Variants in INSL6 observed in about 807,000 individuals in gnomAD.
INSL6 encodes insulin-like peptide INSL6.
A neutral mutation model predicts 9.4 loss-of-function variants in INSL6; 16 were observed. The observed-to-expected ratio is 1.70, with a 90% CI of 1.15 to 2.59. The LOEUF is 2.59. Ranked by LOEUF, INSL6 falls within the 30% of genes most tolerant of loss-of-function variation. INSL6 has a pLI of 0.00. For missense variants in INSL6, 391 were observed against 257.3 expected, an observed-to-expected ratio of 1.52 and a Z score of -3.56; for synonymous variants, 154 against 96.9, an observed-to-expected ratio of 1.59 and a Z score of -3.46.
chr9:5,123,666 C>G (rs1299340625), downstream of INSL6, among the ~76,000 whole-genome samples: 8 of 151,970 alleles, frequency 5.3e-5, no homozygotes, highest in East Asian at 1.5e-3. Context: ...GGTAGATACC[C>G]CATAGTGGGA....
the INSL6 span, chr9:5,041,194 C>A: frequency 1.4e-6 from 2 of 1,422,246 alleles, no homozygotes; most frequent in South Asian, 2.3e-5. Flanking sequence ...TTTACCAGGA[C>A]GTGAAGCCCG....
the INSL6 span, chr9:5,112,440 G>C: frequency 1.9e-6 from 1 of 525,514 alleles, no homozygotes; most frequent in Non-Finnish European, 3.5e-6. Context: ...CCACTCAAGA[G>C]GAGAAGAAGG....
chr9:5,063,076 A>G, the INSL6 span, among the ~76,000 whole-genome samples: 1 of 152,048 alleles, frequency 6.6e-6, no homozygotes, highest in Non-Finnish European at 1.5e-5. Flanking sequence ...TTATAGTTCA[A>G]ACATGTCACA....
At chr9:5,048,147 T>C in the INSL6 span, among the ~76,000 whole-genome samples, 1 of 152,068 alleles carries the variant, frequency 6.6e-6, no homozygotes, top group African/African-American at 2.4e-5. Flanking sequence ...TTTTCTTTTC[T>C]TTCTTTTTTT....
chr9:5,085,270 G>T, the INSL6 span: 1 of 692,322 alleles, frequency 1.4e-6, no homozygotes, highest in Admixed American at 1.8e-5. Flanking sequence ...CACATCAGCT[G>T]ATGTTGGTTT....
At chr9:5,184,222 T>G (rs12349508) in intron 1 of INSL6, among the ~76,000 whole-genome samples, 40,821 of 152,034 alleles carry the variant, frequency 0.27, 5,533 homozygotes, top group South Asian at 0.31. Context: ...TACATTAGGG[T>G]CTCTTTTTGG....
chr9:5,050,890 T>C, the INSL6 span: 7 of 1,433,362 alleles, frequency 4.9e-6, no homozygotes, highest in African/African-American at 7.1e-5. Context: ...ATATAATTCG[T>C]ATATATTTTC....
chr9:5,035,918 T>C, the INSL6 span, among the ~76,000 whole-genome samples: 1 of 152,152 alleles, frequency 6.6e-6, no homozygotes, highest in Non-Finnish European at 1.5e-5. Flanking sequence ...GGTTATTTGA[T>C]TAGGAAAAGA....
downstream of INSL6, among the ~76,000 whole-genome samples, chr9:5,159,506 C>T (rs1824879965): frequency 1.3e-5 from 2 of 151,830 alleles, no homozygotes; most frequent in African/African-American, 4.8e-5. Context: ...AGTGACTCTA[C>T]TTATATTAGA....
At chr9:5,169,151 C>A (rs2130910244) in intron 1 of INSL6, among the ~76,000 whole-genome samples, 1 of 152,312 alleles carries the variant, frequency 6.6e-6, no homozygotes, top group African/African-American at 2.4e-5. Flanking sequence ...ATCTCAAACT[C>A]CTGACCTCAG....
rs767708471 is a variant in INSL6, at chr9:5,185,431, C to T, written c.172G>A (p.Glu58Lys). 4 of 1,614,186 alleles carry T rather than the reference C, an allele frequency of 2.5e-6. No homozygotes were observed. In the East Asian group the frequency reaches 6.7e-5, roughly 27 times the overall value. The stretch of plus-strand genomic sequence containing the variant: ...GCAATCAACCGTGAGAAAGGGGTTT[C>T]CTCCTCGAAACGGAACTGGCTCCAG... ...ANWSQFRFEE[E>K]TPFSRLIAQA... The change falls in exon 1 of 2, where the codon GAA (glutamate) becomes AAA (lysine). Residue 58 changes from glutamate (E) to lysine (K), a missense_variant. Transcript: ENST00000381641.
chr9:4,992,295 G>C, the INSL6 span, among the ~76,000 whole-genome samples: 18 of 152,138 alleles, frequency 1.2e-4, no homozygotes, highest in Non-Finnish European at 2.5e-4. Flanking sequence ...GGTGAGTAGA[G>C]AATTAAAAGT....
At chr9:5,126,038 T>C (rs984121351) in intron 3 of INSL6, 3 of 215,524 alleles carry the variant, frequency 1.4e-5, no homozygotes, top group African/African-American at 6.8e-5. Flanking sequence ...ATGATAAAAA[T>C]ATGAGTTTTT....
At chr9:5,113,064 G>A in the INSL6 span, among the ~76,000 whole-genome samples, 1 of 152,052 alleles carries the variant, frequency 6.6e-6, no homozygotes, top group Non-Finnish European at 1.5e-5. Flanking sequence ...GAGCTCCCTG[G>A]GACCCCGGCT....
At chr9:5,055,784 A>G in the INSL6 span, 1 of 1,609,914 alleles carries the variant, frequency 6.2e-7, no homozygotes, top group South Asian at 1.1e-5. Flanking sequence ...GATGGTAAAA[A>G]TCTGGTAAGT....
the INSL6 span, among the ~76,000 whole-genome samples, chr9:5,066,084 G>C: frequency 1.3e-5 from 2 of 152,000 alleles, no homozygotes; most frequent in Admixed American, 6.6e-5. Flanking sequence ...GCATTGGTTT[G>C]TATATTAGAA....
At chr9:5,144,293 T>C (rs1478383982) in intron 2 of INSL6, among the ~76,000 whole-genome samples, 1 of 152,226 alleles carries the variant, frequency 6.6e-6, no homozygotes, top group Admixed American at 6.5e-5. Flanking sequence ...TTATTCAATT[T>C]CCATGTAATT....
the INSL6 span, among the ~76,000 whole-genome samples, chr9:5,053,774 G>C: frequency 6.6e-6 from 1 of 151,992 alleles, no homozygotes; most frequent in African/African-American, 2.4e-5. Flanking sequence ...CTTTGTGCCT[G>C]TGGATTCTAC....
chr9:5,025,952 CTT>C, the INSL6 span, among the ~76,000 whole-genome samples: 1 of 152,164 alleles, frequency 6.6e-6, no homozygotes, highest in Admixed American at 6.5e-5. Context: ...TTCTAGCACT[CTT>C]TGTCTTCATA....
Sources: gnomAD v4.1 joint callset for allele counts (sites outside exome capture counted in the v4.1 genomes callset) on GRCh38, gnomAD v4.1.1 for gene constraint, MANE v1.5 for transcripts, NCBI Gene and HGNC (gene_info 2026-07-23, HGNC 2026-07-21) for gene names.